Variants in LGI4 observed in about 807,000 individuals in gnomAD.
The protein encoded by LGI4 is leucine rich repeat LGI family member 4, also known as leucine-rich repeat LGI family member 4.
Under a neutral mutation model 48.3 loss-of-function variants are expected in LGI4, and 36 were observed. That is an observed-to-expected ratio of 0.75 (90% confidence interval 0.57 to 0.98). The LOEUF (loss-of-function observed/expected upper bound fraction) is 0.98, where lower values mean the gene tolerates loss of function less well. Among genes scored for constraint, LGI4 ranks in the 50% least tolerant of loss-of-function variants. The pLI is 0.00. For missense variants in LGI4, 701 were observed against 732.1 expected, an observed-to-expected ratio of 0.96 and a Z score of 0.49; for synonymous variants, 355 against 331.6, an observed-to-expected ratio of 1.07 and a Z score of -0.77.
chr19:35,132,010 G>C lies in LGI4; in HGVS notation c.347C>G (p.Ser116Cys), dbSNP rs1203463433. 3 of 1,586,796 alleles carry C rather than the reference G, an allele frequency of 1.9e-6. No individual in the cohort carries two copies. Among genetic ancestry groups the C allele is most frequent in the Non-Finnish European group, 2.6e-6 (3 of 1,166,164 alleles). The change falls in exon 4 of 9, where the codon TCT becomes TGT. Residue 116 changes from serine (S) to cysteine (C), a missense_variant. Physicochemically the swap from Ser to Cys is moderately radical, Grantham distance 112. Around this residue, in one of 3 missense-constraint regions of LGI4, gnomAD observed 462 missense variants for 436.4 expected, o/e 1.06. Coordinates refer to ENST00000310123, the MANE Select transcript of LGI4 (RefSeq NM_139284.3). ...GCGAAGTCCTCTGAGGGCATTCTTA[G>C]AGATGGAGCCAATCTCATTGTCCTC... ...FIEDNEIGSI[S>C]KNALRGLRSL... is the part of the protein sequence containing the mutation.
chr19:35,133,728 G>A lies in LGI4; in HGVS notation c.279C>T (p.Asp93=), dbSNP rs148508572. 4.6e-4 allele frequency: 744 copies of A among 1,609,688 alleles called. 4 individuals carry two copies. In the African/African-American group the frequency reaches 8.5e-3, roughly 18 times the overall value. The stretch of plus-strand genomic sequence containing the variant: ...GGTGGGACAGGCCCGCAAATGCATC[G>A]TCCTCAATCACGGAGAAGGAGTTGG... The part of the protein sequence containing the change: ...FTSNSFSVIE[D]DAFAGLSHLQ... Residue 93 remains aspartate, a synonymous_variant, in exon 3 of 9, where the codon GAC becomes GAT. Transcript: ENST00000310123.
chr19:35,130,103 C>T (rs1000368540), intron 6 of LGI4, among the ~76,000 whole-genome samples: 1 of 152,274 alleles, frequency 6.6e-6, no homozygotes, highest in Admixed American at 6.5e-5. Context: ...CCTGCTGACC[C>T]TCTCCCCACC....
chr19:35,125,911 C>G (rs111852226), intron 8 of LGI4: 8 of 523,084 alleles, frequency 1.5e-5, no homozygotes, highest in African/African-American at 9.4e-5. Context: ...GACTCAGAAC[C>G]CTCCCCTGCC....
chr19:35,134,938 A>C lies in LGI4; in HGVS notation c.-258T>G. On this transcript the variant is annotated 5_prime_UTR_variant, in exon 1 of 9. Coordinates refer to ENST00000310123, the MANE Select transcript of LGI4 (RefSeq NM_139284.3). ...TGACTCTGTGTGTTAGTCTGTTTCT[A>C]TTTCTGTCTTTGTCTCTCTTTCTGC... 2.1e-6 allele frequency: 1 copy of C among 468,902 alleles called. No homozygotes were observed. Among genetic ancestry groups the C allele is most frequent in the Non-Finnish European group, 3.7e-6 (1 of 267,404 alleles). 29.0% of individuals were successfully genotyped at this position (468,902 alleles called of 1,614,324 possible).
chr19:35,133,365 A>G, intron 3 of LGI4: 1 of 1,158,048 alleles, frequency 8.6e-7, no homozygotes, highest in South Asian at 2.4e-5. Flanking sequence ...CTTGTCTCTG[A>G]CTTCTGTACA....
chr19:35,133,961 A>C, intron 2 of LGI4, 72 bp downstream of exon 2: 3 of 1,433,814 alleles, frequency 2.1e-6, no homozygotes, highest in Non-Finnish European at 2.9e-6. Flanking sequence ...CTGTGTGAGC[A>C]TACACTCCCA....
intron 8 of LGI4, 190 bp from the exon 9 acceptor site, chr19:35,125,697 C>A: frequency 1.4e-6 from 1 of 701,844 alleles, no homozygotes; most frequent in Non-Finnish European, 2.6e-6. Flanking sequence ...ACGCCCCACA[C>A]AGAAGCACTC....
intron 3 of LGI4, among the ~76,000 whole-genome samples, chr19:35,133,122 T>TC (rs2065186666): frequency 1.3e-5 from 2 of 151,770 alleles, no homozygotes; most frequent in South Asian, 4.2e-4. Context: ...TCATCCCCAC[T>TC]CCATCATCAT....
At chr19:35,129,357 G>A (rs1274007316) in intron 6 of LGI4, among the ~76,000 whole-genome samples, 1 of 151,478 alleles carries the variant, frequency 6.6e-6, no homozygotes, top group Non-Finnish European at 1.5e-5. Context: ...ACATGTTGTG[G>A]GGGAAAGGAA....
rs1391702135 is a variant in LGI4, at chr19:35,125,089, C to G, written c.*104G>C. On this transcript the variant is annotated 3_prime_UTR_variant, in exon 9 of 9. Transcript: ENST00000310123. ...AGACGTGTGGCTGATGAACGTGGCC[C>G]ACGGTCAGCAGCTCACAGGCGGGCC... 1 of 987,862 alleles carries G rather than the reference C, an allele frequency of 1.0e-6. No individual in the cohort carries two copies. The highest frequency in any genetic ancestry group is 1.6e-5 in the African/African-American group (1 of 61,764). 61.2% of individuals were successfully genotyped at this position (987,862 alleles called of 1,614,324 possible).
rs915675098 is a variant in LGI4 at position 35,126,399 on chromosome 19, G to T, written c.1170C>A (p.Phe390Leu). The T allele has an allele frequency of 6.2e-7, 1 of 1,609,848 alleles. No homozygotes were observed. The highest frequency in any genetic ancestry group is 8.5e-7 in the Non-Finnish European group (1 of 1,179,232). ...LASASQRPVL[F>L]HWTGGRFERR... Reference sequence around the variant, plus strand: ...TCTCGAAGCGGCCACCGGTCCAGTGGAAGAGCACGGGCCGCTGGGAAGCCG... The same window carrying T: ...TCTCGAAGCGGCCACCGGTCCAGTGTAAGAGCACGGGCCGCTGGGAAGCCG... The change falls in exon 8 of 9, where the codon TTC becomes TTA. Residue 390 changes from phenylalanine to leucine, a missense_variant. By Grantham distance (22) the Phe-to-Leu change is conservative (BLOSUM62 0). Transcript: ENST00000310123.
In LGI4 at chr19:35,125,205, G is replaced by T; in HGVS notation, c.1602C>A (p.Asp534Glu). The stretch of plus-strand genomic sequence containing the variant: ...CCCGTTGGTGGTCTCAGGCACTGAG[G>T]TCGATCTCGTGATGCTGGTAGATCT... ...PTQIYQHHEI[D>E]LSA Residue 534 changes from aspartate (D) to glutamate (E), a missense_variant, in exon 9 of 9, where the codon GAC (aspartate) becomes GAA (glutamate). Around this residue, in one of 3 missense-constraint regions of LGI4, gnomAD observed 223 missense variants for 263.3 expected, o/e 0.85. Transcript: ENST00000310123. The T allele has an allele frequency of 6.5e-7, 1 of 1,527,066 alleles. No individual in the cohort carries two copies. The highest frequency in any genetic ancestry group is 1.3e-5 in the South Asian group (1 of 78,546). The allele number at this position is 1,527,066 out of a possible 1,614,324, so 94.6% of individuals were successfully genotyped here.
In LGI4 at chr19:35,126,720, C is replaced by T. The variant is rs1249978365; in HGVS notation, c.849G>A (p.Leu283=). ...PLVLGPSLFV[L]AARLWGGSQL... is the part of the protein sequence containing the mutation. ...GTGAGCCCCCCCACAGGCGGGCAGC[C>T]AGCACGAAGAGGCTCGGGCCCAGCA... The change falls in exon 8 of 9, where the codon CTG becomes CTA. Residue 283 remains leucine (L), a synonymous_variant. Transcript: ENST00000310123. The T allele has an allele frequency of 6.5e-7, 1 of 1,540,816 alleles. No homozygotes were observed. The highest frequency in any genetic ancestry group is 8.7e-7 in the Non-Finnish European group (1 of 1,147,872).
At chr19:35,125,891 G>A (rs2065131006) in intron 8 of LGI4, 1 of 540,910 alleles carries the variant, frequency 1.8e-6, no homozygotes. Flanking sequence ...GTCAGATCAG[G>A]GCCCTTCCAG....
chr19:35,133,430 G>A (rs914163768), intron 3 of LGI4: 67 of 1,304,136 alleles, frequency 5.1e-5, no homozygotes, highest in Admixed American at 1.5e-4. Context: ...CTGGTTATCC[G>A]GGCCCTTTGT....
At chr19:35,133,252 A>T in intron 3 of LGI4, 1 of 754,754 alleles carries the variant, frequency 1.3e-6, no homozygotes. Flanking sequence ...CACCGCTGCC[A>T]CCATCACCAC....
chr19:35,129,077 A>G (rs1292285393), intron 6 of LGI4, among the ~76,000 whole-genome samples: 1 of 152,050 alleles, frequency 6.6e-6, no homozygotes, highest in Non-Finnish European at 1.5e-5. Context: ...TTAAATGTCC[A>G]TCTCCCCAAA....
chr19:35,126,247 C>G, intron 8 of LGI4, 23 bp downstream of exon 8: 3 of 1,606,484 alleles, frequency 1.9e-6, no homozygotes, highest in Non-Finnish European at 2.5e-6. Context: ...AAGCCAGCCC[C>G]CCGCCCCCAG....
intron 6 of LGI4, among the ~76,000 whole-genome samples, chr19:35,128,492 A>G (rs918204215): frequency 2.0e-5 from 3 of 152,208 alleles, no homozygotes; most frequent in Non-Finnish European, 2.9e-5. Context: ...ATGGATCAGT[A>G]GAGCCCAGGA....
Sources: allele counts gnomAD v4.1 joint callset (sites outside exome capture counted in the v4.1 genomes callset), GRCh38; gene constraint gnomAD v4.1.1; regional missense constraint gnomAD v4.1.1; transcripts MANE v1.5; gene names NCBI Gene and HGNC (gene_info 2026-07-23, HGNC 2026-07-21).